CSGALNACT1: variants seen among roughly 807,000 people sequenced by gnomAD.
CSGALNACT1 encodes the protein beta4GalNAcT-1.
CSGALNACT1 carries 52 observed loss-of-function variants against 51.0 expected under a neutral mutation model. The observed-to-expected ratio is 1.02, with a 90% CI of 0.82 to 1.29. The LOEUF is 1.29. Among genes scored for constraint, CSGALNACT1 ranks in the 50% most tolerant of loss-of-function variants. The probability of loss-of-function intolerance (pLI) is 0.00; values close to 1 mark genes in which losing one functional copy is unlikely to be tolerated. For synonymous variants in CSGALNACT1, 341 were observed against 254.4 expected (o/e 1.34, Z -3.24); for missense variants, 935 against 679.2 (o/e 1.38, Z -4.19).
At chr8:19,508,676 C>A (rs911841946) in intron 3 of CSGALNACT1, among the ~76,000 whole-genome samples, 1 of 152,116 alleles carries the variant, frequency 6.6e-6, no homozygotes, top group East Asian at 1.9e-4. Context: ...AAAAGATTGT[C>A]GTTAAAGACA....
intron 1 of CSGALNACT1, among the ~76,000 whole-genome samples, chr8:19,710,958 G>A (rs781050649): frequency 6.6e-6 from 1 of 152,082 alleles, no homozygotes; most frequent in Non-Finnish European, 1.5e-5. Flanking sequence ...CTGAAAGAAG[G>A]ATTAGTAAGA....
chr8:19,573,929 T>G (rs2043588823), intron 3 of CSGALNACT1, among the ~76,000 whole-genome samples: 1 of 152,180 alleles, frequency 6.6e-6, no homozygotes, highest in Non-Finnish European at 1.5e-5. Flanking sequence ...GGCAGATACT[T>G]ATTTTAATTT....
At chr8:19,586,137 C>A (rs2046580009) in intron 3 of CSGALNACT1, among the ~76,000 whole-genome samples, 1 of 152,066 alleles carries the variant, frequency 6.6e-6, no homozygotes, top group Non-Finnish European at 1.5e-5. Flanking sequence ...GCAAGGCGGG[C>A]AGATCACATG....
chr8:19,688,088 C>T (rs1250247322), intron 1 of CSGALNACT1, among the ~76,000 whole-genome samples: 1 of 152,162 alleles, frequency 6.6e-6, no homozygotes, highest in East Asian at 1.9e-4. Context: ...TGTTCATTTC[C>T]CATTTTACAC....
intron 1 of CSGALNACT1, among the ~76,000 whole-genome samples, chr8:19,708,962 T>A (rs1324861891): frequency 2.6e-5 from 4 of 152,320 alleles, no homozygotes; most frequent in Non-Finnish European, 2.9e-5. Flanking sequence ...TGTTTCACCA[T>A]CTGTATGATC....
At position 19,626,092 on chromosome 8, in the gene CSGALNACT1, G is replaced by C. The variant is rs146033179; in HGVS notation, c.-543-24227C>G. Among the ~76,000 whole-genome samples the C allele has an allele frequency of 2.2e-3, 333 of 152,204 alleles. 5 individuals are homozygous for C. The South Asian group carries it at 0.032, about 15-fold the overall frequency. On this transcript the variant is annotated intron_variant, in intron 1 of 9. Transcript: ENST00000332246. ...CTTCTTCTAAAATTTATATGGAAAG[G>C]AAACAGAACTAAAAAGTTAAAACAA...
intron 3 of CSGALNACT1, among the ~76,000 whole-genome samples, chr8:19,544,940 G>C (rs1407655674): frequency 1.3e-5 from 2 of 151,900 alleles, no homozygotes; most frequent in African/African-American, 4.8e-5. Flanking sequence ...CTTTCAAAAA[G>C]GAGAAGTTTT....
At chr8:19,483,192 G>C (rs62496198) in intron 4 of CSGALNACT1, among the ~76,000 whole-genome samples, 5,661 of 152,202 alleles carry the variant, frequency 0.037, 161 homozygotes, top group East Asian at 0.13. Flanking sequence ...TGTCCCTCTA[G>C]GCTGAGTCCC....
chr8:19,698,306 G>T (rs554268228), intron 1 of CSGALNACT1, among the ~76,000 whole-genome samples: 30 of 152,332 alleles, frequency 2.0e-4, no homozygotes, highest in African/African-American at 6.7e-4. Context: ...TGTGTTTGGG[G>T]TTAGGATATG....
intron 3 of CSGALNACT1, among the ~76,000 whole-genome samples, chr8:19,568,594 T>C (rs902920444): frequency 1.3e-5 from 2 of 152,214 alleles, no homozygotes; most frequent in Non-Finnish European, 2.9e-5. Context: ...CTTTAAATTC[T>C]TTAATTTTAT....
intron 3 of CSGALNACT1, among the ~76,000 whole-genome samples, chr8:19,523,558 C>T (rs1017392620): frequency 1.3e-5 from 2 of 152,122 alleles, no homozygotes; most frequent in African/African-American, 4.8e-5. Flanking sequence ...GCAGGAGCCA[C>T]CACGCCCAGG....
intron 6 of CSGALNACT1, among the ~76,000 whole-genome samples, chr8:19,430,562 G>C (rs1035196442): frequency 6.6e-6 from 1 of 152,090 alleles, no homozygotes; most frequent in African/African-American, 2.4e-5. Flanking sequence ...TCCATCCATT[G>C]ATCTATATTT....
At chr8:19,472,468 A>G (rs1375688058) in intron 4 of CSGALNACT1, among the ~76,000 whole-genome samples, 1 of 152,190 alleles carries the variant, frequency 6.6e-6, no homozygotes, top group Admixed American at 6.5e-5. Flanking sequence ...CCATTTTTCA[A>G]ACCCTGTTCA....
intron 3 of CSGALNACT1, among the ~76,000 whole-genome samples, chr8:19,517,620 G>C (rs2079824564): frequency 6.6e-6 from 1 of 152,098 alleles, no homozygotes; most frequent in Admixed American, 6.6e-5. Flanking sequence ...CCACATGGCT[G>C]GGGAGGCCTC....
intron 1 of CSGALNACT1, among the ~76,000 whole-genome samples, chr8:19,752,126 T>C (rs2065070832): frequency 1.4e-5 from 1 of 70,076 alleles, no homozygotes; most frequent in Non-Finnish European, 2.8e-5. Flanking sequence ...TAATATAAAA[T>C]GTTATATATT....
At chr8:19,563,927 G>A (rs1426290744) in intron 3 of CSGALNACT1, among the ~76,000 whole-genome samples, 3 of 151,448 alleles carry the variant, frequency 2.0e-5, no homozygotes, top group Non-Finnish European at 1.5e-5. Context: ...CCTCAGCCAC[G>A]CACACTCACA....
chr8:19,482,393 T>C (rs1210948904), intron 4 of CSGALNACT1, among the ~76,000 whole-genome samples: 3 of 152,202 alleles, frequency 2.0e-5, no homozygotes, highest in Non-Finnish European at 4.4e-5. Context: ...TTCCTTTTCT[T>C]GTCCCACGGC....
At position 19,640,831 on chromosome 8, in the gene CSGALNACT1, C is replaced by T. The variant is rs1486587456; in HGVS notation, c.-543-38966G>A. Among the ~76,000 whole-genome samples, 4 of 152,038 alleles carry T rather than the reference C, an allele frequency of 2.6e-5. No individual in the cohort carries two copies. In the East Asian group the frequency reaches 7.7e-4, roughly 29 times the overall value. On this transcript the variant is annotated intron_variant, in intron 1 of 9. Transcript: ENST00000332246. Reference sequence around the variant, plus strand: ...GATTATGAAATCTTTAGCAAACACACTCTGTATTTCAGAAAGTAGAATTAT... The same window carrying T: ...GATTATGAAATCTTTAGCAAACACATTCTGTATTTCAGAAAGTAGAATTAT...
chr8:19,691,608 T>G (rs1292563401), intron 1 of CSGALNACT1, among the ~76,000 whole-genome samples: 8 of 152,188 alleles, frequency 5.3e-5, no homozygotes, highest in African/African-American at 1.9e-4. Context: ...GGCTTGACTT[T>G]CATTCACAGA....
Sources: allele counts gnomAD v4.1 joint callset (sites outside exome capture counted in the v4.1 genomes callset), GRCh38; gene constraint gnomAD v4.1.1; transcripts MANE v1.5; gene names NCBI Gene and HGNC (gene_info 2026-07-23, HGNC 2026-07-21).